The following TENM3 variants were observed in gnomAD, a reference collection of about 807,000 sequenced individuals.
TENM3 encodes the protein teneurin transmembrane protein 3, also known as teneurin-3.
TENM3 carries 63 observed loss-of-function variants against 255.1 expected under a neutral mutation model. The ratio of observed to expected loss-of-function variants is 0.25; its 90% CI spans 0.20 to 0.30. TENM3 has a LOEUF of 0.30. Ranked by LOEUF, TENM3 falls within the 10% of genes least tolerant of loss-of-function variation. The pLI is 1.00. For synonymous variants in TENM3, 1,306 were observed against 1,322.3 expected (o/e 0.99, Z 0.27); for missense variants, 2,929 against 3,461.1 (o/e 0.85, Z 3.86).
Position 182,532,114 on chromosome 4 carries a change from C to T in TENM3, c.512-68810C>T, listed in dbSNP as rs567736397. Among the ~76,000 whole-genome samples, 3 of 152,298 alleles carry T rather than the reference C, an allele frequency of 2.0e-5. 1 individual carries two copies. In the South Asian group the frequency reaches 6.2e-4, roughly 32 times the overall value. On this transcript the variant is annotated intron_variant, in intron 3 of 27. Coordinates refer to ENST00000511685, the MANE Select transcript of TENM3 (RefSeq NM_001080477.4). ...CATTTGTTTAATAAACTGTTTCTAACATATTCTAAATCATTTGGATAGCTA... is the reference window on the plus strand; with the variant it reads ...CATTTGTTTAATAAACTGTTTCTAATATATTCTAAATCATTTGGATAGCTA...
At chr4:181,611,814 A>T in the TENM3 span, among the ~76,000 whole-genome samples, 144 of 152,370 alleles carry the variant, frequency 9.5e-4, 4 homozygotes, top group Non-Finnish European at 1.2e-3. Context: ...GCACAGAGAC[A>T]TCTGCATCTA....
At chr4:181,474,223 G>A in the TENM3 span, among the ~76,000 whole-genome samples, 3 of 151,958 alleles carry the variant, frequency 2.0e-5, no homozygotes, top group African/African-American at 4.8e-5. Flanking sequence ...TAGGTGACAG[G>A]TTGATGGGTG....
chr4:182,276,699 A>T (rs1323076465), intron 1 of TENM3, among the ~76,000 whole-genome samples: 1 of 152,238 alleles, frequency 6.6e-6, no homozygotes, highest in African/African-American at 2.4e-5. Flanking sequence ...TGTTTCAGTG[A>T]AAATTATCAG....
the TENM3 span, among the ~76,000 whole-genome samples, chr4:182,102,405 A>G: frequency 1.3e-5 from 2 of 152,216 alleles, no homozygotes; most frequent in Non-Finnish European, 2.9e-5. Flanking sequence ...GACTTGTTCA[A>G]TTGATCCATT....
chr4:181,922,984 C>T, the TENM3 span, among the ~76,000 whole-genome samples: 1 of 152,066 alleles, frequency 6.6e-6, no homozygotes, highest in African/African-American at 2.4e-5. Context: ...GCCTTCATTT[C>T]GTTATGTACC....
rs542668402 is a variant in TENM3, at chr4:182,705,627, G to C, written c.2222-8460G>C. ...CTTGGTTTGCCTTTGTTGCTTCTCT[G>C]TGTTTATGAGAGTCAGCCTGATGGC... On this transcript the variant is annotated intron_variant, in intron 12 of 27. Coordinates refer to ENST00000511685, the MANE Select transcript of TENM3 (RefSeq NM_001080477.4). Among the ~76,000 whole-genome samples the C allele has an allele frequency of 9.9e-5, 15 of 152,264 alleles. No individual in the cohort carries two copies. In the South Asian group the frequency reaches 2.9e-3, roughly 30 times the overall value.
chr4:181,967,006 G>GCT, the TENM3 span, among the ~76,000 whole-genome samples: 148 of 145,198 alleles, frequency 1.0e-3, no homozygotes, highest in Middle Eastern at 0.011. Flanking sequence ...TCTCTCTCTC[G>GCT]CTCTCTCTCT....
the TENM3 span, among the ~76,000 whole-genome samples, chr4:181,773,439 T>C: frequency 6.6e-6 from 1 of 152,290 alleles, no homozygotes; most frequent in Middle Eastern, 3.4e-3. Context: ...CTGTGTATCA[T>C]TTATGAAACT....
chr4:181,751,186 G>T, the TENM3 span, among the ~76,000 whole-genome samples: 1 of 151,962 alleles, frequency 6.6e-6, no homozygotes, highest in East Asian at 1.9e-4. Flanking sequence ...GAGATTCAGG[G>T]TCATTTACTT....
intron 12 of TENM3, among the ~76,000 whole-genome samples, chr4:182,708,656 G>A (rs1758486655): frequency 6.6e-6 from 1 of 152,160 alleles, no homozygotes; most frequent in South Asian, 2.1e-4. Flanking sequence ...AAATTAGCCA[G>A]GTGTGGTGGC....
At chr4:182,360,034 A>G (rs1380281252) in intron 3 of TENM3, among the ~76,000 whole-genome samples, 1 of 152,038 alleles carries the variant, frequency 6.6e-6, no homozygotes, top group Non-Finnish European at 1.5e-5. Context: ...AGCGGTTTTG[A>G]GTGAGTTTCT....
At chr4:181,711,339 C>T in the TENM3 span, among the ~76,000 whole-genome samples, 5 of 152,248 alleles carry the variant, frequency 3.3e-5, no homozygotes, top group African/African-American at 4.8e-5. Context: ...AGGAGGGCCA[C>T]AGCACATATG....
the TENM3 span, among the ~76,000 whole-genome samples, chr4:181,958,633 C>T: frequency 6.6e-6 from 1 of 152,156 alleles, no homozygotes; most frequent in Non-Finnish European, 1.5e-5. Context: ...AACTGCTTCA[C>T]AGAATGTCTC....
At chr4:181,810,070 C>G in the TENM3 span, among the ~76,000 whole-genome samples, 2 of 151,816 alleles carry the variant, frequency 1.3e-5, no homozygotes, top group South Asian at 4.2e-4. Flanking sequence ...AAAGGTGGCT[C>G]GAGGTAAATA....
the TENM3 span, among the ~76,000 whole-genome samples, chr4:182,124,428 AAG>A: frequency 6.6e-6 from 1 of 152,212 alleles, no homozygotes; most frequent in South Asian, 2.1e-4. Context: ...TAAGAAGGGA[AAG>A]AGAGATCTGA....
chr4:182,374,131 T>C (rs1184398611), intron 3 of TENM3, among the ~76,000 whole-genome samples: 2 of 152,196 alleles, frequency 1.3e-5, no homozygotes, highest in African/African-American at 4.8e-5. Flanking sequence ...TGTGTCTTAC[T>C]ATTTCTGTAT....
the TENM3 span, among the ~76,000 whole-genome samples, chr4:181,995,934 G>A: frequency 6.6e-6 from 1 of 152,120 alleles, no homozygotes; most frequent in African/African-American, 2.4e-5. Context: ...CTAAGACAGT[G>A]ATTCCCACAG....
chr4:181,972,821 A>G, the TENM3 span, among the ~76,000 whole-genome samples: 1 of 152,200 alleles, frequency 6.6e-6, no homozygotes, highest in Non-Finnish European at 1.5e-5. Context: ...AAGGAAATGC[A>G]GTATTCTAAG....
chr4:182,432,225 T>A (rs141616247), intron 3 of TENM3, among the ~76,000 whole-genome samples: 14 of 152,318 alleles, frequency 9.2e-5, no homozygotes, highest in African/African-American at 2.9e-4. Flanking sequence ...ATAAAATTTC[T>A]ACGTGTAAAA....
Sources: gnomAD v4.1 joint callset for allele counts (sites outside exome capture counted in the v4.1 genomes callset) on GRCh38, gnomAD v4.1.1 for gene constraint, MANE v1.5 for transcripts, NCBI Gene and HGNC (gene_info 2026-07-23, HGNC 2026-07-21) for gene names.